DKK2: variants seen among roughly 807,000 people sequenced by gnomAD.
DKK2 encodes the protein dickkopf Wnt signaling pathway inhibitor 2.
Under a neutral mutation model 28.1 loss-of-function variants are expected in DKK2, and 11 were observed. That is an observed-to-expected ratio of 0.39 (90% CI 0.25 to 0.65). The LOEUF is 0.65. Ranked by LOEUF, DKK2 falls within the 30% of genes least tolerant of loss-of-function variation. The probability of loss-of-function intolerance (pLI) is 0.47; values close to 1 mark genes in which losing one functional copy is unlikely to be tolerated. For synonymous variants in DKK2, 135 were observed against 126.5 expected, an observed-to-expected ratio of 1.07 and a Z score of -0.45; for missense variants, 326 against 335.5, an observed-to-expected ratio of 0.97 and a Z score of 0.22.
intron 1 of DKK2, among the ~76,000 whole-genome samples, chr4:107,011,875 A>G (rs1222537961): frequency 6.6e-6 from 1 of 151,464 alleles, no homozygotes; most frequent in African/African-American, 2.4e-5. Context: ...GCACCTTAGT[A>G]TTATTAATGA....
intron 1 of DKK2, among the ~76,000 whole-genome samples, chr4:106,981,067 A>G (rs1466099162): frequency 6.6e-6 from 1 of 152,118 alleles, no homozygotes; most frequent in Admixed American, 6.6e-5. Context: ...AATTTTGCCC[A>G]CGTGTCATAT....
At chr4:106,936,695 A>C (rs1724594886) in intron 1 of DKK2, among the ~76,000 whole-genome samples, 2 of 152,216 alleles carry the variant, frequency 1.3e-5, no homozygotes, top group African/African-American at 2.4e-5. Flanking sequence ...TGAACGAAAA[A>C]ATGTTAAGGG....
At chr4:106,953,388 T>C (rs1034472481) in intron 1 of DKK2, among the ~76,000 whole-genome samples, 5 of 152,188 alleles carry the variant, frequency 3.3e-5, no homozygotes, top group Admixed American at 3.3e-4. Context: ...TTGCACACCC[T>C]TCTGATGTAA....
intron 1 of DKK2, among the ~76,000 whole-genome samples, chr4:106,950,478 AT>A (rs1724842892): frequency 6.6e-6 from 1 of 151,884 alleles, no homozygotes; most frequent in Non-Finnish European, 1.5e-5. Context: ...AAATCTCATC[AT>A]GTCAGTTCAC....
intron 1 of DKK2, among the ~76,000 whole-genome samples, chr4:107,019,557 A>G (rs563942261): frequency 6.6e-6 from 1 of 152,214 alleles, no homozygotes; most frequent in Non-Finnish European, 1.5e-5. Flanking sequence ...TGTATTTCTC[A>G]AATATCTAGT....
intron 1 of DKK2, among the ~76,000 whole-genome samples, chr4:107,014,904 T>C (rs1723572528): frequency 6.6e-6 from 1 of 151,558 alleles, no homozygotes; most frequent in East Asian, 1.9e-4. Flanking sequence ...TTCCTAACTG[T>C]AGATTATTTA....
At position 106,969,208 on chromosome 4, in the gene DKK2, C is replaced by A. The variant is rs151141486; in HGVS notation, c.223-43259G>T. 3.3e-3 allele frequency among the ~76,000 whole-genome samples: 498 copies of A among 151,736 alleles called. 7 individuals are homozygous for A. Among genetic ancestry groups the A allele is most frequent in the African/African-American group, 0.012 (482 of 41,396 alleles). On this transcript the variant is annotated intron_variant, in intron 1 of 3. Transcript: ENST00000285311. Reference sequence around the variant, plus strand: ...CTTTGCTCTGCTTTTGCTCAAACTTCTCGCCTCCAGTTTGGGACCCCTCTT... The same window carrying A: ...CTTTGCTCTGCTTTTGCTCAAACTTATCGCCTCCAGTTTGGGACCCCTCTT...
intron 1 of DKK2, among the ~76,000 whole-genome samples, chr4:106,956,232 C>A (rs1359726097): frequency 6.6e-6 from 1 of 152,064 alleles, no homozygotes; most frequent in Non-Finnish European, 1.5e-5. Context: ...AACTACAAAC[C>A]ACTGCTCAAT....
chr4:106,959,323 TTA>T (rs1722652639), intron 1 of DKK2, among the ~76,000 whole-genome samples: 1 of 152,148 alleles, frequency 6.6e-6, no homozygotes, highest in South Asian at 2.1e-4. Context: ...TTATATAAGT[TTA>T]TGTTTTTGAT....
chr4:106,938,168 A>G (rs1212014649), intron 1 of DKK2, among the ~76,000 whole-genome samples: 4 of 148,956 alleles, frequency 2.7e-5, no homozygotes, highest in Non-Finnish European at 6.0e-5. Context: ...CAAAAAATTA[A>G]TGAATCCAGG....
At chr4:106,964,241 A>C (rs1252698079) in intron 1 of DKK2, among the ~76,000 whole-genome samples, 2 of 152,178 alleles carry the variant, frequency 1.3e-5, no homozygotes, top group African/African-American at 4.8e-5. Context: ...TATTAAGTGA[A>C]ATAAGCCAGA....
chr4:106,959,393 T>G (rs370765408), intron 1 of DKK2, among the ~76,000 whole-genome samples: 87 of 152,270 alleles, frequency 5.7e-4, no homozygotes, highest in African/African-American at 2.0e-3. Context: ...TGGCTTGCTG[T>G]ACTCAACCCA....
At chr4:107,032,301 C>G (rs1434859628) in intron 1 of DKK2, among the ~76,000 whole-genome samples, 7 of 151,976 alleles carry the variant, frequency 4.6e-5, no homozygotes, top group African/African-American at 1.7e-4. Context: ...AAATGTAACA[C>G]CTCTGGAGAA....
chr4:107,028,027 C>T (rs895976057), intron 1 of DKK2, among the ~76,000 whole-genome samples: 1 of 152,160 alleles, frequency 6.6e-6, no homozygotes, highest in African/African-American at 2.4e-5. Flanking sequence ...GCTAGGATTA[C>T]AGGCGTGAGC....
Position 106,929,902 on chromosome 4 carries a change from G to A in DKK2, c.223-3953C>T, listed in dbSNP as rs190929163. On this transcript the variant is annotated intron_variant, in intron 1 of 3. Coordinates refer to ENST00000285311, the MANE Select transcript of DKK2 (RefSeq NM_014421.3). ...TAGAGACCTTGAGTTCTTCCCTGGC[G>A]TTCAGGCCTCAGATATCATTACTAA... 5.6e-4 allele frequency among the ~76,000 whole-genome samples: 86 copies of A among 152,288 alleles called. 2 individuals carry two copies. Among genetic ancestry groups the A allele is most frequent in the African/African-American group, 1.7e-3 (70 of 41,552 alleles).
intron 1 of DKK2, among the ~76,000 whole-genome samples, chr4:106,927,442 G>A (rs1263335519): frequency 2.0e-5 from 3 of 152,036 alleles, no homozygotes; most frequent in East Asian, 1.9e-4. Flanking sequence ...ACAATTTCTT[G>A]TTTACCCTTT....
At chr4:106,924,282 A>G (rs1724393315) in intron 3 of DKK2, 78 bp from the exon 4 acceptor site, 1 of 1,536,208 alleles carries the variant, frequency 6.5e-7, no homozygotes. Flanking sequence ...AGAAGCACAT[A>G]AAATATTTTT....
intron 1 of DKK2, among the ~76,000 whole-genome samples, chr4:106,933,213 G>A (rs1042279324): frequency 3.3e-5 from 5 of 152,166 alleles, no homozygotes; most frequent in African/African-American, 1.2e-4. Context: ...ACTGTTGCAA[G>A]ATTACTGATG....
intron 1 of DKK2, among the ~76,000 whole-genome samples, chr4:106,942,109 A>T (rs767829211): frequency 1.2e-4 from 18 of 152,120 alleles, no homozygotes; most frequent in Non-Finnish European, 2.2e-4. Context: ...TTTGAAAGGG[A>T]GGAAATTATA....
Sources: gnomAD v4.1 joint callset for allele counts (sites outside exome capture counted in the v4.1 genomes callset) on GRCh38, gnomAD v4.1.1 for gene constraint, MANE v1.5 for transcripts, NCBI Gene and HGNC (gene_info 2026-07-23, HGNC 2026-07-21) for gene names.